The following RPAP2 variants were observed in gnomAD, a reference collection of about 807,000 sequenced individuals.
RPAP2 encodes the protein RNA polymerase II associated protein 2.
RPAP2 carries 52 observed loss-of-function variants against 73.1 expected under a neutral mutation model. That is an observed-to-expected ratio of 0.71 (90% CI 0.57 to 0.90). RPAP2 has a LOEUF of 0.90. RPAP2 is among the 40% of genes least tolerant of loss of function. The probability of loss-of-function intolerance (pLI) is 0.00; values close to 1 mark genes in which losing one functional copy is unlikely to be tolerated. For synonymous variants in RPAP2, 225 were observed against 242.1 expected, an observed-to-expected ratio of 0.93 and a Z score of 0.65; for missense variants, 598 against 701.8, an observed-to-expected ratio of 0.85 and a Z score of 1.67.
In RPAP2 at chr1:92,387,295, T is replaced by C; in HGVS notation, c.*284T>C. The C allele has an allele frequency of 4.1e-6, 1 of 246,050 alleles. No homozygotes were observed. The highest frequency in any genetic ancestry group is 7.7e-6 in the Non-Finnish European group (1 of 129,524). 15.2% of individuals were successfully genotyped at this position (246,050 alleles called of 1,614,324 possible). ...CGAAAATGAATGTTTAAGTATTAAATTGAAACTTGAATGAATATTCAAGAA... is the reference window on the plus strand; with the variant it reads ...CGAAAATGAATGTTTAAGTATTAAACTGAAACTTGAATGAATATTCAAGAA... On this transcript the variant is annotated 3_prime_UTR_variant, in exon 13 of 13. Coordinates refer to ENST00000610020, the MANE Select transcript of RPAP2 (RefSeq NM_024813.3).
intron 12 of RPAP2, among the ~76,000 whole-genome samples, chr1:92,381,517 G>T (rs955445116): frequency 6.6e-6 from 1 of 151,188 alleles, no homozygotes; most frequent in Non-Finnish European, 1.5e-5. Flanking sequence ...TGCTCAGATA[G>T]GTACTGATTT....
At chr1:92,369,510 G>T (rs924401342) in intron 11 of RPAP2, among the ~76,000 whole-genome samples, 7 of 152,016 alleles carry the variant, frequency 4.6e-5, no homozygotes, top group Non-Finnish European at 8.8e-5. Context: ...TTGCTCTGTT[G>T]CCCAGACTGG....
In RPAP2 at chr1:92,304,273, C is replaced by T. The variant is rs752919376; in HGVS notation, c.334-11C>T. On this transcript the variant is annotated splice_polypyrimidine_tract_variant and intron_variant, in intron 4 of 12. Coordinates refer to ENST00000610020, the MANE Select transcript of RPAP2 (RefSeq NM_024813.3). ...TGGATTCTTTTGTAAGCTGTACTTT[C>T]TTTTCTTTAGGTACCAAAACAGAAA... The T allele has an allele frequency of 7.0e-6, 10 of 1,433,274 alleles. No individual in the cohort carries two copies. The East Asian group carries it at 2.3e-4, about 33-fold the overall frequency. The allele number at this position is 1,433,274 out of a possible 1,614,324, so 88.8% of individuals were successfully genotyped here.
At chr1:92,299,214 G>C in intron 1 of RPAP2, 68 bp downstream of exon 1, 1 of 989,910 alleles carries the variant, frequency 1.0e-6, no homozygotes, top group Non-Finnish European at 1.4e-6. Flanking sequence ...GTTATAGACC[G>C]CAGCGCGCGG....
In RPAP2 at chr1:92,399,201, A is replaced by C. The variant is rs933531221; in HGVS notation, c.*12190A>C. 2.6e-5 allele frequency: 4 copies of C among 152,254 alleles called. No individual in the cohort carries two copies. In the South Asian group the frequency reaches 6.2e-4, roughly 24 times the overall value. The allele number at this position is 152,254 out of a possible 1,614,324, so 9.4% of individuals were successfully genotyped here. On this transcript the variant is annotated 3_prime_UTR_variant, in exon 13 of 13. Coordinates refer to ENST00000610020, the MANE Select transcript of RPAP2 (RefSeq NM_024813.3). The stretch of plus-strand genomic sequence containing the variant: ...TCCCAGCACCTCTGCAGTCATAACC[A>C]AAGTGAAGGACAATATTGCATGACT...
At chr1:92,369,797 A>G (rs1655074351) in intron 11 of RPAP2, among the ~76,000 whole-genome samples, 1 of 152,226 alleles carries the variant, frequency 6.6e-6, no homozygotes, top group African/African-American at 2.4e-5. Context: ...CAATTTAACA[A>G]AAGAAAAAGA....
At chr1:92,363,443 G>A (rs896614994) in intron 11 of RPAP2, among the ~76,000 whole-genome samples, 2 of 152,194 alleles carry the variant, frequency 1.3e-5, no homozygotes, top group Non-Finnish European at 2.9e-5. Context: ...AAAGAACAGC[G>A]TGGCTGCAGA....
chr1:92,325,389 C>T (rs891053967), intron 8 of RPAP2, among the ~76,000 whole-genome samples: 1 of 152,002 alleles, frequency 6.6e-6, no homozygotes, highest in African/African-American at 2.4e-5. Flanking sequence ...CAAATCATTT[C>T]AAGTATCTTA....
intron 11 of RPAP2, among the ~76,000 whole-genome samples, chr1:92,350,289 T>A (rs1654130698): frequency 6.6e-6 from 1 of 152,202 alleles, no homozygotes; most frequent in Non-Finnish European, 1.5e-5. Flanking sequence ...GTCCTCTTAT[T>A]CTTATTTAAT....
intron 11 of RPAP2, among the ~76,000 whole-genome samples, chr1:92,371,889 CAAA>C (rs1164408246): frequency 1.4e-4 from 13 of 92,130 alleles, no homozygotes; most frequent in Admixed American, 1.2e-4. Context: ...GACCCTGTCT[CAAA>C]AAAAAAAAAA....
In RPAP2 at chr1:92,353,753, T is replaced by C. The variant is rs1654329337; in HGVS notation, c.1688+7839T>C. Among the ~76,000 whole-genome samples the C allele has an allele frequency of 2.0e-5, 3 of 152,228 alleles. No homozygotes were observed. In the South Asian group the frequency reaches 6.2e-4, roughly 32 times the overall value. On this transcript the variant is annotated intron_variant, in intron 11 of 12. Coordinates refer to ENST00000610020, the MANE Select transcript of RPAP2 (RefSeq NM_024813.3). ...GATTAAGCAATAATTAGATTATTTCTATACGTTCCCATACTTATTGCTGAG... is the reference window on the plus strand; with the variant it reads ...GATTAAGCAATAATTAGATTATTTCCATACGTTCCCATACTTATTGCTGAG...
chr1:92,351,727 T>C (rs571673786), intron 11 of RPAP2, among the ~76,000 whole-genome samples: 1 of 152,294 alleles, frequency 6.6e-6, no homozygotes, highest in South Asian at 2.1e-4. Context: ...AGAAGACATA[T>C]AGAAGGCTAT....
intron 11 of RPAP2, among the ~76,000 whole-genome samples, chr1:92,354,976 G>T (rs576829223): frequency 6.6e-6 from 1 of 151,350 alleles, no homozygotes; most frequent in East Asian, 1.9e-4. Context: ...TCAGCTCATT[G>T]CAATCTCTGC....
chr1:92,300,145 C>T lies in RPAP2; in HGVS notation c.74-49C>T, dbSNP rs538606469. 31 of 1,302,270 alleles carry T rather than the reference C, an allele frequency of 2.4e-5. No individual in the cohort carries two copies. The South Asian group carries it at 3.5e-4, about 15-fold the overall frequency. The allele number at this position is 1,302,270 out of a possible 1,614,324, so 80.7% of individuals were successfully genotyped here. A position where few individuals can be genotyped will look rare whatever the true frequency, so the allele number is the denominator to read the frequency against. ...AGACCGCTGTCTGTATGCTGTCCGT[C>T]GTTTACGGAAATGTCATTATGTAGC... On this transcript the variant is annotated intron_variant, in intron 1 of 12. Transcript: ENST00000610020.
chr1:92,347,570 TA>T (rs1369448045), intron 11 of RPAP2, among the ~76,000 whole-genome samples: 1 of 152,230 alleles, frequency 6.6e-6, no homozygotes, highest in Non-Finnish European at 1.5e-5. Context: ...GTTTTTGGAT[TA>T]AGTTTTTGCC....
Position 92,343,118 on chromosome 1 carries a change from G to A in RPAP2, c.1620-2728G>A, listed in dbSNP as rs368482007. ...GGAGAGAAGAGACCTAAGGCCAGAGGCCCTGGGACACTCCAGTATTAAAAG... is the reference window on the plus strand; with the variant it reads ...GGAGAGAAGAGACCTAAGGCCAGAGACCCTGGGACACTCCAGTATTAAAAG... On this transcript the variant is annotated intron_variant, in intron 10 of 12. Coordinates refer to ENST00000610020, the MANE Select transcript of RPAP2 (RefSeq NM_024813.3). 1.6e-4 allele frequency among the ~76,000 whole-genome samples: 24 copies of A among 151,836 alleles called. No homozygotes were observed. In the East Asian group the frequency reaches 3.3e-3, roughly 21 times the overall value.
chr1:92,372,014 A>G (rs1479113813), intron 11 of RPAP2, among the ~76,000 whole-genome samples: 1 of 152,210 alleles, frequency 6.6e-6, no homozygotes, highest in African/African-American at 2.4e-5. Flanking sequence ...TTCTTACCAC[A>G]TAAAAATAAG....
At chr1:92,316,861 T>C (rs1651934945) in intron 6 of RPAP2, among the ~76,000 whole-genome samples, 1 of 152,210 alleles carries the variant, frequency 6.6e-6, no homozygotes, top group Admixed American at 6.5e-5. Context: ...ATATCGAATC[T>C]TGAATCTAGT....
intron 8 of RPAP2, among the ~76,000 whole-genome samples, chr1:92,325,999 G>A (rs144585599): frequency 1.5e-4 from 22 of 151,604 alleles, no homozygotes; most frequent in East Asian, 1.9e-4. Flanking sequence ...GAACTTTCTC[G>A]TATTTATCTC....
Sources: allele counts gnomAD v4.1 joint callset (sites outside exome capture counted in the v4.1 genomes callset), GRCh38; gene constraint gnomAD v4.1.1; transcripts MANE v1.5; gene names NCBI Gene and HGNC (gene_info 2026-07-23, HGNC 2026-07-21).